CCDC85A: variants seen among roughly 807,000 people sequenced by gnomAD.
CCDC85A encodes the protein coiled-coil domain containing 85A, also known as coiled-coil domain-containing protein 85A.
A neutral mutation model predicts 50.2 loss-of-function variants in CCDC85A; 38 were observed. The observed-to-expected ratio is 0.76, with a 90% confidence interval of 0.58 to 0.99. The LOEUF is 0.99. Among genes scored for constraint, CCDC85A ranks in the 50% least tolerant of loss-of-function variants. The pLI is 0.00. For synonymous variants in CCDC85A, 366 were observed against 301.4 expected (o/e 1.21, Z -2.22); for missense variants, 820 against 742.0 (o/e 1.11, Z -1.22).
At chr2:56,351,122 G>A (rs1232525991) in intron 3 of CCDC85A, among the ~76,000 whole-genome samples, 2 of 145,232 alleles carry the variant, frequency 1.4e-5, no homozygotes, top group African/African-American at 2.6e-5. Flanking sequence ...TTGTTCTTGC[G>A]ATAGTTTACT....
chr2:56,338,714 C>T (rs1674205832), intron 2 of CCDC85A, among the ~76,000 whole-genome samples: 1 of 151,970 alleles, frequency 6.6e-6, no homozygotes, highest in African/African-American at 2.4e-5. Flanking sequence ...CTCAAAATCC[C>T]AAGGGTTTAA....
intron 2 of CCDC85A, among the ~76,000 whole-genome samples, chr2:56,289,223 A>AT (rs1275263265): frequency 6.6e-6 from 1 of 152,000 alleles, no homozygotes; most frequent in Non-Finnish European, 1.5e-5. Flanking sequence ...TTGCATATGG[A>AT]TTTTTTTAAT....
chr2:56,347,358 A>G (rs1479086695), intron 3 of CCDC85A, among the ~76,000 whole-genome samples: 2 of 152,186 alleles, frequency 1.3e-5, no homozygotes, highest in Non-Finnish European at 2.9e-5. Flanking sequence ...ATCCGTTCAT[A>G]CCATTAATAT....
intron 2 of CCDC85A, among the ~76,000 whole-genome samples, chr2:56,215,750 T>C (rs1039929387): frequency 3.9e-5 from 6 of 151,902 alleles, no homozygotes; most frequent in African/African-American, 1.4e-4. Context: ...CAGATAGTTG[T>C]GCTTTGTATA....
At chr2:56,358,445 A>G (rs1234769265) in intron 3 of CCDC85A, among the ~76,000 whole-genome samples, 3 of 152,234 alleles carry the variant, frequency 2.0e-5, no homozygotes, top group Non-Finnish European at 4.4e-5. Context: ...CCTTCTCCAG[A>G]AATGTCCCAG....
chr2:56,196,953 C>T (rs937189220), intron 2 of CCDC85A, among the ~76,000 whole-genome samples: 1 of 151,294 alleles, frequency 6.6e-6, no homozygotes, highest in African/African-American at 2.4e-5. Context: ...CTTGTTAGAG[C>T]AAGTTTCAGT....
intron 4 of CCDC85A, among the ~76,000 whole-genome samples, chr2:56,373,942 C>G (rs1676207144): frequency 6.6e-6 from 1 of 152,136 alleles, no homozygotes; most frequent in Non-Finnish European, 1.5e-5. Context: ...AAGAAGATGT[C>G]CAAAATATGA....
At chr2:56,367,027 C>G (rs913006074) in intron 3 of CCDC85A, among the ~76,000 whole-genome samples, 4 of 152,140 alleles carry the variant, frequency 2.6e-5, no homozygotes, top group Admixed American at 2.6e-4. Flanking sequence ...CCTAATGTGA[C>G]TGCTTCAAGT....
chr2:56,186,759 G>A (rs1424682248), intron 1 of CCDC85A, among the ~76,000 whole-genome samples: 13 of 152,142 alleles, frequency 8.5e-5, no homozygotes. Context: ...GGAGGGGAAT[G>A]GTAGAGTGGG....
intron 1 of CCDC85A, 60 bp downstream of exon 1, chr2:56,184,960 A>G (rs1325256648): frequency 4.9e-6 from 7 of 1,427,264 alleles, no homozygotes; most frequent in African/African-American, 4.5e-5. Flanking sequence ...CCCGAGGAGG[A>G]GGCGGGGCCA....
At chr2:56,335,843 G>A (rs1251550775) in intron 2 of CCDC85A, among the ~76,000 whole-genome samples, 6 of 151,868 alleles carry the variant, frequency 4.0e-5, no homozygotes, top group Admixed American at 2.6e-4. Flanking sequence ...CTCGTGGTCC[G>A]CCTGCCTCAG....
intron 3 of CCDC85A, among the ~76,000 whole-genome samples, chr2:56,369,088 C>T (rs1573357340): frequency 6.6e-6 from 1 of 151,636 alleles, no homozygotes; most frequent in African/African-American, 2.4e-5. Context: ...TTTTAGATAA[C>T]ATATAATATT....
intron 2 of CCDC85A, among the ~76,000 whole-genome samples, chr2:56,245,931 A>G (rs562159631): frequency 1.3e-5 from 2 of 152,172 alleles, no homozygotes; most frequent in African/African-American, 4.8e-5. Context: ...TTTATTCTGT[A>G]TAAATTACCG....
chr2:56,372,939 CCT>C (rs1676151048), intron 4 of CCDC85A, among the ~76,000 whole-genome samples: 1 of 152,078 alleles, frequency 6.6e-6, no homozygotes, highest in Non-Finnish European at 1.5e-5. Flanking sequence ...TTTTAAATTC[CCT>C]GTTTGGCTCA....
intron 2 of CCDC85A, among the ~76,000 whole-genome samples, chr2:56,282,522 A>G (rs1000084478): frequency 3.3e-5 from 5 of 152,054 alleles, no homozygotes; most frequent in Admixed American, 3.3e-4. Context: ...TTATTTATTT[A>G]TTTTGAGATG....
chr2:56,198,604 A>C (rs1309845004), intron 2 of CCDC85A, among the ~76,000 whole-genome samples: 1 of 152,210 alleles, frequency 6.6e-6, no homozygotes, highest in Non-Finnish European at 1.5e-5. Context: ...TAATATTGAA[A>C]ATATAGTTTG....
chr2:56,277,809 AG>A (rs1671028251), intron 2 of CCDC85A, among the ~76,000 whole-genome samples: 1 of 152,206 alleles, frequency 6.6e-6, no homozygotes, highest in South Asian at 2.1e-4. Context: ...GCCATAATGT[AG>A]TGAAAGTAGC....
intron 2 of CCDC85A, among the ~76,000 whole-genome samples, chr2:56,299,673 G>A (rs11679038): frequency 0.13 from 19,836 of 152,084 alleles, 1,447 homozygotes; most frequent in East Asian, 0.32. Flanking sequence ...AGAAAGGGCT[G>A]TCATCAGTGA....
chr2:56,193,447 C>T lies in CCDC85A; in HGVS notation c.1240+7C>T. 1 of 1,592,170 alleles carries T rather than the reference C, an allele frequency of 6.3e-7. No individual in the cohort carries two copies. Among genetic ancestry groups the T allele is most frequent in the South Asian group, 1.2e-5 (1 of 86,428 alleles). ...GTCTACAGTGGCATGAACGGTGGGT[C>T]AGTATGTGCTGGGGTGCTGCTTGGG... is the stretch of plus-strand genomic sequence containing the variant. On this transcript the variant is annotated splice_region_variant and intron_variant, in intron 2 of 5. Coordinates refer to ENST00000407595, the MANE Select transcript of CCDC85A (RefSeq NM_001080433.2).
Sources: gnomAD v4.1 joint callset for allele counts (sites outside exome capture counted in the v4.1 genomes callset) on GRCh38, gnomAD v4.1.1 for gene constraint, MANE v1.5 for transcripts, NCBI Gene and HGNC (gene_info 2026-07-23, HGNC 2026-07-21) for gene names.